The following ZNF136 variants were observed in gnomAD, a reference collection of about 807,000 sequenced individuals.
ZNF136 encodes the protein zinc finger protein 136, also known as zinc finger protein 136 (clone pHZ-20).
ZNF136 carries 8 observed loss-of-function variants against 11.4 expected under a neutral mutation model. The observed-to-expected ratio is 0.70, with a 90% CI of 0.41 to 1.27. The LOEUF (loss-of-function observed/expected upper bound fraction) is 1.27, where lower values mean the gene tolerates loss of function less well. Among genes scored for constraint, ZNF136 ranks in the 50% most tolerant of loss-of-function variants. ZNF136 has a pLI of 0.01. For synonymous variants in ZNF136, 190 were observed against 207.1 expected (o/e 0.92, Z 0.71); for missense variants, 590 against 656.5 (o/e 0.90, Z 1.11).
chr19:12,167,482 T>C lies in ZNF136; in HGVS notation c.3+4276T>C, dbSNP rs180893715. Reference sequence around the variant, plus strand: ...GGCTCACGCTTGTAAGCCCATCACTTTGGGAGGCTGAGGCCAGAGGATAGC... The same window carrying C: ...GGCTCACGCTTGTAAGCCCATCACTCTGGGAGGCTGAGGCCAGAGGATAGC... On this transcript the variant is annotated intron_variant, in intron 1 of 3. Transcript: ENST00000343979. Among the ~76,000 whole-genome samples the C allele has an allele frequency of 5.9e-5, 9 of 152,314 alleles. No individual in the cohort carries two copies. In the East Asian group the frequency reaches 1.7e-3, roughly 29 times the overall value.
At chr19:12,178,204 A>G (rs1163291934) in intron 1 of ZNF136, among the ~76,000 whole-genome samples, 1 of 152,168 alleles carries the variant, frequency 6.6e-6, no homozygotes, top group East Asian at 1.9e-4. Flanking sequence ...ACCTTATCAG[A>G]TATATGGTTT....
chr19:12,169,689 A>G (rs1438212779), intron 1 of ZNF136, among the ~76,000 whole-genome samples: 1 of 151,798 alleles, frequency 6.6e-6, no homozygotes, highest in East Asian at 1.9e-4. Flanking sequence ...GCTCACTGCA[A>G]GCCCAGCCTC....
chr19:12,186,958 A>G lies in ZNF136; in HGVS notation c.580A>G (p.Thr194Ala). Residue 194 changes from threonine (T) to alanine (A), a missense_variant, in exon 4 of 4, where the codon ACA (threonine) becomes GCA (alanine). Coordinates refer to ENST00000343979, the MANE Select transcript of ZNF136 (RefSeq NM_003437.5). ...RRHIITHSGY[T>A]PYKCKVCGKA... Reference sequence around the variant, plus strand: ...ACACATCATCACACACAGTGGATATACACCATATAAATGTAAGGTGTGTGG... The same window carrying G: ...ACACATCATCACACACAGTGGATATGCACCATATAAATGTAAGGTGTGTGG... 6.2e-7 allele frequency: 1 copy of G among 1,614,134 alleles called. No homozygotes were observed.
chr19:12,163,151 G>C lies in ZNF136; in HGVS notation c.-53G>C. 3 of 1,399,756 alleles carry C rather than the reference G, an allele frequency of 2.1e-6. No homozygotes were observed. The highest frequency in any genetic ancestry group is 5.5e-5 in the East Asian group (2 of 36,552). The allele number at this position is 1,399,756 out of a possible 1,614,324, so 86.7% of individuals were successfully genotyped here. On this transcript the variant is annotated 5_prime_UTR_variant, in exon 1 of 4. Coordinates refer to ENST00000343979, the MANE Select transcript of ZNF136 (RefSeq NM_003437.5). ...TGGAGTCTCTGTGGCGCGGTTTCCT[G>C]TACCTGCCTTGGGATCCGGAGGGAG... is the stretch of plus-strand genomic sequence containing the variant.
chr19:12,183,835 C>G (rs531591071), intron 1 of ZNF136, among the ~76,000 whole-genome samples: 2 of 152,270 alleles, frequency 1.3e-5, no homozygotes, highest in South Asian at 4.1e-4. Context: ...TTCCTGGGCT[C>G]AAACAATCCT....
intron 1 of ZNF136, among the ~76,000 whole-genome samples, chr19:12,170,910 A>G (rs948531601): frequency 2.0e-5 from 3 of 150,670 alleles, no homozygotes; most frequent in African/African-American, 7.3e-5. Context: ...ATCTCAGCTC[A>G]CTGCAACCTC....
Position 12,181,469 on chromosome 19 carries a change from A to G in ZNF136, c.4-4316A>G, listed in dbSNP as rs946122868. Among the ~76,000 whole-genome samples, 4 of 146,316 alleles carry G rather than the reference A, an allele frequency of 2.7e-5. No individual in the cohort carries two copies. In the South Asian group the frequency reaches 6.5e-4, roughly 24 times the overall value. On this transcript the variant is annotated intron_variant, in intron 1 of 3. Transcript: ENST00000343979. ...TTTTTTTGTTTTGTTTTGTTTTTGCATTTGTTTTTGTTTTTTTTTTTTTGG... is the reference window on the plus strand; with the variant it reads ...TTTTTTTGTTTTGTTTTGTTTTTGCGTTTGTTTTTGTTTTTTTTTTTTTGG...
At chr19:12,168,605 A>G (rs1914550800) in intron 1 of ZNF136, among the ~76,000 whole-genome samples, 1 of 151,810 alleles carries the variant, frequency 6.6e-6, no homozygotes, top group Non-Finnish European at 1.5e-5. Context: ...GTTGAAGTAG[A>G]GGGCTGGGGC....
At chr19:12,171,666 C>T (rs2145630555) in intron 1 of ZNF136, among the ~76,000 whole-genome samples, 1 of 141,344 alleles carries the variant, frequency 7.1e-6, no homozygotes, top group South Asian at 2.1e-4. Context: ...TCACTCCATT[C>T]TACATTTTGA....
chr19:12,184,329 G>A lies in ZNF136; in HGVS notation c.4-1456G>A, dbSNP rs566826831. ...TAATCCCAGCACTTTGGGAGGCCGA[G>A]GTGGGCAGATCACGAGGTCAGGAGA... On this transcript the variant is annotated intron_variant, in intron 1 of 3. Transcript: ENST00000343979. Among the ~76,000 whole-genome samples the A allele has an allele frequency of 1.8e-3, 269 of 152,122 alleles. 3 individuals are homozygous for A. The highest frequency in any genetic ancestry group is 0.015 in the Admixed American group (232 of 15,282).
Position 12,189,684 on chromosome 19 carries a change from A to C in ZNF136, c.*1683A>C, listed in dbSNP as rs1055359060. On this transcript the variant is annotated 3_prime_UTR_variant, in exon 4 of 4. Transcript: ENST00000343979. Reference sequence around the variant, plus strand: ...TTTTTTTCTTGGCTCAAATAATTTTATTTTGCTTCCTATTAAAGAGTTGTT... The same window carrying C: ...TTTTTTTCTTGGCTCAAATAATTTTCTTTTGCTTCCTATTAAAGAGTTGTT... The C allele has an allele frequency of 6.6e-6, 1 of 151,600 alleles. No individual in the cohort carries two copies. Among genetic ancestry groups the C allele is most frequent in the African/African-American group, 2.4e-5 (1 of 41,226 alleles). 9.4% of individuals were successfully genotyped at this position (151,600 alleles called of 1,614,324 possible).
chr19:12,184,171 C>T (rs1398011068), intron 1 of ZNF136, among the ~76,000 whole-genome samples: 5 of 151,780 alleles, frequency 3.3e-5, no homozygotes, highest in Admixed American at 6.6e-5. Context: ...GAGGTTGAGG[C>T]GGGATAATCC....
At chr19:12,175,731 T>A (rs757225386) in intron 1 of ZNF136, among the ~76,000 whole-genome samples, 1 of 152,236 alleles carries the variant, frequency 6.6e-6, no homozygotes, top group Admixed American at 6.5e-5. Flanking sequence ...TTGACAACTA[T>A]ACAGTGACAT....
At position 12,188,059 on chromosome 19, in the gene ZNF136, G is replaced by A. The variant is rs1915165362; in HGVS notation, c.*58G>A. 1 of 1,391,220 alleles carries A rather than the reference G, an allele frequency of 7.2e-7. No individual in the cohort carries two copies. 86.2% of individuals were successfully genotyped at this position (1,391,220 alleles called of 1,614,324 possible). On this transcript the variant is annotated 3_prime_UTR_variant, in exon 4 of 4. Transcript: ENST00000343979. ...CTCACTGAAGAGAAGCCCTATGAAT[G>A]TAAGTAACGTGGGAAAGCATGAAAT...
chr19:12,168,266 G>T (rs949665186), intron 1 of ZNF136, among the ~76,000 whole-genome samples: 2 of 151,358 alleles, frequency 1.3e-5, no homozygotes, highest in African/African-American at 4.9e-5. Context: ...TAGAAACGGG[G>T]TTTCACCATA....
chr19:12,163,100 G>A lies in ZNF136; in HGVS notation c.-104G>A, dbSNP rs561044442. 1.5e-6 allele frequency: 2 copies of A among 1,296,210 alleles called. No individual in the cohort carries two copies. Among genetic ancestry groups the A allele is most frequent in the Non-Finnish European group, 2.0e-6 (2 of 994,796 alleles). 80.3% of individuals were successfully genotyped at this position (1,296,210 alleles called of 1,614,324 possible). A position where few individuals can be genotyped will look rare whatever the true frequency, so the allele number is the denominator to read the frequency against. On this transcript the variant is annotated 5_prime_UTR_variant, in exon 1 of 4. Coordinates refer to ENST00000343979, the MANE Select transcript of ZNF136 (RefSeq NM_003437.5). ...TGCCGTACTTGGTTTCGCTTCGCTAGTCCCAGAGGCCCAGAGTGGCTCGCC... is the reference window on the plus strand; with the variant it reads ...TGCCGTACTTGGTTTCGCTTCGCTAATCCCAGAGGCCCAGAGTGGCTCGCC...
chr19:12,182,095 TTAGAGAAAGATGTCATATTTTAA>T (rs992361944), intron 1 of ZNF136, among the ~76,000 whole-genome samples: 31 of 152,304 alleles, frequency 2.0e-4, no homozygotes, highest in African/African-American at 7.5e-4. Flanking sequence ...TCCTTCTCCA[TTAGAGAAAGATGTCATATTTTAA>T]GTTTATCATT....
rs1200268559 is a variant in ZNF136, at chr19:12,187,634, C to T, written c.1256C>T (p.Pro419Leu). ...IHERTHTGEK[P>L]YVCKHCGKAF... Reference sequence around the variant, plus strand: ...GAAAGAACTCACACTGGAGAGAAACCTTATGTATGTAAACATTGTGGTAAA... The same window carrying T: ...GAAAGAACTCACACTGGAGAGAAACTTTATGTATGTAAACATTGTGGTAAA... Residue 419 changes from proline to leucine, a missense_variant, in exon 4 of 4, where the codon CCT (proline) becomes CTT (leucine). Transcript: ENST00000343979. 2 of 1,613,952 alleles carry T rather than the reference C, an allele frequency of 1.2e-6. No individual in the cohort carries two copies. Among genetic ancestry groups the T allele is most frequent in the African/African-American group, 2.7e-5 (2 of 74,918 alleles).
intron 1 of ZNF136, among the ~76,000 whole-genome samples, chr19:12,177,139 GT>G (rs1336209300): frequency 6.6e-6 from 1 of 152,184 alleles, no homozygotes; most frequent in African/African-American, 2.4e-5. Context: ...TTATAGTGGG[GT>G]TTTCATGGAT....
Sources: gnomAD v4.1 joint callset for allele counts (sites outside exome capture counted in the v4.1 genomes callset) on GRCh38, gnomAD v4.1.1 for gene constraint, MANE v1.5 for transcripts, NCBI Gene and HGNC (gene_info 2026-07-23, HGNC 2026-07-21) for gene names.